ZBTB20: variants seen among roughly 807,000 people sequenced by gnomAD.
The protein encoded by ZBTB20 is zinc finger and BTB domain containing 20.
In ZBTB20, 9 loss-of-function variants were observed where a neutral mutation model predicts 56.9. The observed-to-expected ratio is 0.16, with a 90% CI of 0.10 to 0.28. The LOEUF (loss-of-function observed/expected upper bound fraction) is 0.28. ZBTB20 is among the 10% of genes least tolerant of loss of function. ZBTB20 has a pLI of 1.00. For missense variants in ZBTB20, 655 were observed against 1,003.0 expected (o/e 0.65, Z 4.69); for synonymous variants, 417 against 420.7 (o/e 0.99, Z 0.11).
intron 2 of ZBTB20, among the ~76,000 whole-genome samples, chr3:115,000,642 C>G (rs924400405): frequency 6.6e-6 from 1 of 151,544 alleles, no homozygotes; most frequent in Non-Finnish European, 1.5e-5. Flanking sequence ...CCAAAGAGAA[C>G]TTAACACTTT....
chr3:114,620,225 A>T (rs1484944374), intron 6 of ZBTB20, among the ~76,000 whole-genome samples: 2 of 152,162 alleles, frequency 1.3e-5, no homozygotes, highest in Non-Finnish European at 2.9e-5. Context: ...CTAATGTGGG[A>T]GTTAAGGAGG....
intron 7 of ZBTB20, among the ~76,000 whole-genome samples, chr3:114,472,880 C>CA (rs2040301174): frequency 6.6e-6 from 1 of 152,098 alleles, no homozygotes; most frequent in Non-Finnish European, 1.5e-5. Flanking sequence ...TGATGGAAAC[C>CA]AAACCAAAGA....
intron 7 of ZBTB20, among the ~76,000 whole-genome samples, chr3:114,463,211 T>C (rs755202459): frequency 8.5e-5 from 13 of 152,226 alleles, no homozygotes; most frequent in Non-Finnish European, 1.5e-4. Context: ...AAATGCTTTG[T>C]AAACTAAGAA....
chr3:115,145,175 C>T (rs1387946164), intron 1 of ZBTB20, among the ~76,000 whole-genome samples: 1 of 152,186 alleles, frequency 6.6e-6, no homozygotes, highest in African/African-American at 2.4e-5. Context: ...ACAGGGATAT[C>T]ACCATGCACT....
At chr3:114,375,015 A>G (rs2108482361) in intron 10 of ZBTB20, among the ~76,000 whole-genome samples, 1 of 152,362 alleles carries the variant, frequency 6.6e-6, no homozygotes, top group South Asian at 2.1e-4. Flanking sequence ...ACATTCACAC[A>G]TACAGACAGC....
At chr3:114,746,602 T>C (rs1471309964) in intron 5 of ZBTB20, among the ~76,000 whole-genome samples, 3 of 152,188 alleles carry the variant, frequency 2.0e-5, no homozygotes, top group African/African-American at 7.2e-5. Flanking sequence ...TTGAAACAGC[T>C]ACAACAGTGT....
intron 3 of ZBTB20, among the ~76,000 whole-genome samples, chr3:114,907,662 T>C (rs148538501): frequency 6.6e-6 from 1 of 152,056 alleles, no homozygotes; most frequent in East Asian, 1.9e-4. Context: ...TCTGGTTTAT[T>C]TTCTTTCTTT....
At chr3:114,807,382 T>C (rs1207255288) in intron 4 of ZBTB20, among the ~76,000 whole-genome samples, 1 of 151,922 alleles carries the variant, frequency 6.6e-6, no homozygotes, top group Non-Finnish European at 1.5e-5. Context: ...ATGCCACTGA[T>C]TGTTTCTTTC....
intron 6 of ZBTB20, among the ~76,000 whole-genome samples, chr3:114,516,214 C>T (rs2045975150): frequency 6.6e-6 from 1 of 152,064 alleles, no homozygotes; most frequent in Non-Finnish European, 1.5e-5. Context: ...AAGCCCAACC[C>T]CCAAGCCGCT....
intron 6 of ZBTB20, among the ~76,000 whole-genome samples, chr3:114,546,295 G>A (rs1012605894): frequency 1.3e-5 from 2 of 152,148 alleles, no homozygotes; most frequent in Non-Finnish European, 2.9e-5. Flanking sequence ...AAACCCATTT[G>A]AATATTATAA....
intron 4 of ZBTB20, among the ~76,000 whole-genome samples, chr3:114,879,045 G>A (rs973131168): frequency 7.2e-5 from 11 of 152,292 alleles, no homozygotes; most frequent in African/African-American, 2.6e-4. Context: ...CATGGGAGAT[G>A]CATTTCCTTG....
intron 3 of ZBTB20, among the ~76,000 whole-genome samples, chr3:114,967,473 A>G (rs1344660782): frequency 6.6e-6 from 1 of 152,172 alleles, no homozygotes. Flanking sequence ...ATTTGCAAAA[A>G]CTACTTGAAC....
chr3:114,809,348 T>G (rs2072345401), intron 4 of ZBTB20, among the ~76,000 whole-genome samples: 1 of 152,136 alleles, frequency 6.6e-6, no homozygotes, highest in Non-Finnish European at 1.5e-5. Context: ...TCTCCGAAGC[T>G]CTGCTCATTT....
chr3:114,398,744 A>T (rs1576589797), intron 7 of ZBTB20, among the ~76,000 whole-genome samples: 2 of 152,172 alleles, frequency 1.3e-5, no homozygotes, highest in Admixed American at 1.3e-4. Flanking sequence ...ATATTTTCCT[A>T]CTTAAGGAAG....
chr3:114,425,409 C>T (rs1475381753), intron 7 of ZBTB20, among the ~76,000 whole-genome samples: 1 of 152,202 alleles, frequency 6.6e-6, no homozygotes, highest in Non-Finnish European at 1.5e-5. Flanking sequence ...TTCTAGGTCT[C>T]CTTTTCCCAA....
At chr3:114,908,912 T>C (rs2075418062) in intron 3 of ZBTB20, among the ~76,000 whole-genome samples, 1 of 151,844 alleles carries the variant, frequency 6.6e-6, no homozygotes, top group South Asian at 2.1e-4. Context: ...TAGAAGATAT[T>C]TTTTAAAAAG....
intron 7 of ZBTB20, among the ~76,000 whole-genome samples, chr3:114,389,488 T>C (rs1357721161): frequency 6.6e-6 from 1 of 152,074 alleles, no homozygotes; most frequent in Non-Finnish European, 1.5e-5. Context: ...TTTCATTTAT[T>C]ATATTTATTT....
chr3:114,514,228 T>C (rs1010872786), intron 6 of ZBTB20, among the ~76,000 whole-genome samples: 1 of 152,190 alleles, frequency 6.6e-6, no homozygotes, highest in Non-Finnish European at 1.5e-5. Flanking sequence ...TAGAGTTGTT[T>C]ATTGAAATTC....
intron 6 of ZBTB20, among the ~76,000 whole-genome samples, chr3:114,681,656 A>T: frequency 6.6e-6 from 1 of 152,208 alleles, no homozygotes; most frequent in Admixed American, 6.5e-5. Context: ...AAAGATAGCA[A>T]ATAATAACTA....
Sources: allele counts gnomAD v4.1 joint callset (sites outside exome capture counted in the v4.1 genomes callset), GRCh38; gene constraint gnomAD v4.1.1; transcripts MANE v1.5; gene names NCBI Gene and HGNC (gene_info 2026-07-23, HGNC 2026-07-21).